The following CLMP variants were observed in gnomAD, a reference collection of about 807,000 sequenced individuals.
The protein encoded by CLMP is CXADR-like membrane protein.
In CLMP, 27 loss-of-function variants were observed where a neutral mutation model predicts 45.2. The observed-to-expected ratio is 0.60, with a 90% CI of 0.44 to 0.82. The LOEUF is 0.82. Among genes scored for constraint, CLMP ranks in the 40% least tolerant of loss-of-function variants. CLMP has a pLI of 0.00. For synonymous variants in CLMP, 167 were observed against 171.4 expected, an observed-to-expected ratio of 0.97 and a Z score of 0.20; for missense variants, 403 against 448.4, an observed-to-expected ratio of 0.90 and a Z score of 0.91.
intron 1 of CLMP, among the ~76,000 whole-genome samples, chr11:123,150,683 C>A (rs948641881): frequency 5.9e-5 from 9 of 152,112 alleles, no homozygotes; most frequent in Non-Finnish European, 1.0e-4. Context: ...AGAATACCAT[C>A]CCACTCTCCC....
chr11:123,119,796 C>T (rs1464173169), intron 1 of CLMP, among the ~76,000 whole-genome samples: 1 of 152,040 alleles, frequency 6.6e-6, no homozygotes, highest in Non-Finnish European at 1.5e-5. Flanking sequence ...AAGCGATTCT[C>T]CTGTCTCAGC....
chr11:123,180,657 G>C (rs995870407), intron 1 of CLMP, among the ~76,000 whole-genome samples: 1 of 151,842 alleles, frequency 6.6e-6, no homozygotes, highest in African/African-American at 2.4e-5. Context: ...ACAAGGCAAA[G>C]TGATAGTGAC....
intron 1 of CLMP, among the ~76,000 whole-genome samples, chr11:123,186,097 C>T (rs1294149605): frequency 6.6e-6 from 1 of 152,164 alleles, no homozygotes; most frequent in Non-Finnish European, 1.5e-5. Flanking sequence ...AAACTCTGCT[C>T]GCGTCTGCTG....
intron 1 of CLMP, among the ~76,000 whole-genome samples, chr11:123,140,179 C>G (rs10892971): frequency 0.35 from 52,989 of 151,940 alleles, 10,079 homozygotes; most frequent in African/African-American, 0.5. Flanking sequence ...ATGTGGGATG[C>G]GGTGTTGATG....
chr11:123,112,141 G>T (rs1032301221), intron 1 of CLMP, among the ~76,000 whole-genome samples: 1 of 152,076 alleles, frequency 6.6e-6, no homozygotes, highest in Non-Finnish European at 1.5e-5. Context: ...GCTTCAGGGA[G>T]ATTAAGGAAT....
intron 1 of CLMP, among the ~76,000 whole-genome samples, chr11:123,183,718 C>A (rs925111138): frequency 6.6e-6 from 1 of 152,088 alleles, no homozygotes; most frequent in Non-Finnish European, 1.5e-5. Flanking sequence ...TCAAATCTTC[C>A]CAGAGAAGAC....
At chr11:123,105,090 C>T (rs529592546) in intron 1 of CLMP, among the ~76,000 whole-genome samples, 1 of 152,310 alleles carries the variant, frequency 6.6e-6, no homozygotes, top group East Asian at 1.9e-4. Context: ...ACCTCAGGCA[C>T]TTATCAAAGG....
chr11:123,096,656 G>A (rs1296477770), intron 2 of CLMP, among the ~76,000 whole-genome samples: 1 of 152,182 alleles, frequency 6.6e-6, no homozygotes, highest in African/African-American at 2.4e-5. Flanking sequence ...ATGAGGTGAT[G>A]TAGACAGCTA....
Position 123,148,215 on chromosome 11 carries a change from C to T in CLMP, c.28+46698G>A, listed in dbSNP as rs530055893. ...GTAAGTGTAGCTGTTATGTTTAGGG[C>T]CGCAGGGCTTTTAAGTGGCTTTCAA... On this transcript the variant is annotated intron_variant, in intron 1 of 6. Coordinates refer to ENST00000448775, the MANE Select transcript of CLMP (RefSeq NM_024769.5). 2.6e-5 allele frequency among the ~76,000 whole-genome samples: 4 copies of T among 152,288 alleles called. No individual in the cohort carries two copies. The South Asian group carries it at 8.3e-4, about 32-fold the overall frequency.
At chr11:123,113,555 T>C (rs1397512367) in intron 1 of CLMP, among the ~76,000 whole-genome samples, 1 of 152,192 alleles carries the variant, frequency 6.6e-6, no homozygotes, top group Non-Finnish European at 1.5e-5. Context: ...ATGGCAGCCT[T>C]AGTGATTAGC....
chr11:123,142,954 A>G (rs1162673763), intron 1 of CLMP, among the ~76,000 whole-genome samples: 2 of 151,930 alleles, frequency 1.3e-5, no homozygotes, highest in African/African-American at 4.8e-5. Flanking sequence ...AGGCAGTCCT[A>G]CTCCTAGACA....
chr11:123,148,326 G>A (rs964386814), intron 1 of CLMP, among the ~76,000 whole-genome samples: 3 of 152,162 alleles, frequency 2.0e-5, no homozygotes, highest in African/African-American at 7.2e-5. Context: ...TCTGAATTCT[G>A]CACAAGGGCA....
chr11:123,187,147 C>A (rs1251411079), intron 1 of CLMP, among the ~76,000 whole-genome samples: 1 of 152,070 alleles, frequency 6.6e-6, no homozygotes, highest in Non-Finnish European at 1.5e-5. Context: ...TGATGAGAAA[C>A]CTAAGGTTGG....
intron 1 of CLMP, among the ~76,000 whole-genome samples, chr11:123,168,840 G>A (rs955890211): frequency 1.3e-5 from 2 of 152,056 alleles, no homozygotes; most frequent in South Asian, 4.1e-4. Context: ...AATGTTCTGG[G>A]TCTCATTCCC....
intron 1 of CLMP, among the ~76,000 whole-genome samples, chr11:123,192,317 T>C (rs10892980): frequency 0.073 from 11,063 of 152,194 alleles, 1,266 homozygotes; most frequent in African/African-American, 0.25. Context: ...AGAAAAACCA[T>C]AGAATTATAG....
At chr11:123,164,427 C>A (rs929235604) in intron 1 of CLMP, among the ~76,000 whole-genome samples, 2 of 152,188 alleles carry the variant, frequency 1.3e-5, no homozygotes, top group Non-Finnish European at 2.9e-5. Context: ...CCCTAGCCTC[C>A]CCAGTAGCTG....
intron 5 of CLMP, among the ~76,000 whole-genome samples, chr11:123,081,940 T>C (rs969375857): frequency 6.6e-6 from 1 of 152,108 alleles, no homozygotes; most frequent in Non-Finnish European, 1.5e-5. Context: ...TTGGGAAATA[T>C]GCCTAAGGTA....
rs371777105 is a variant in CLMP, at chr11:123,170,737, A to T, written c.28+24176T>A. Among the ~76,000 whole-genome samples the T allele has an allele frequency of 7.2e-5, 11 of 152,288 alleles. No homozygotes were observed. In the South Asian group the frequency reaches 1.0e-3, roughly 14 times the overall value. ...ATTACAGGCGTGAGCCACCACGCCC[A>T]GCCGAAGCCTGCTTTTTCTTGCTGC... On this transcript the variant is annotated intron_variant, in intron 1 of 6. Transcript: ENST00000448775.
intron 1 of CLMP, among the ~76,000 whole-genome samples, chr11:123,129,870 G>T (rs914908157): frequency 2.6e-4 from 40 of 151,214 alleles, no homozygotes; most frequent in African/African-American, 7.1e-4. Flanking sequence ...TTCAGAAACG[G>T]TGTTTCACAT....
Sources: allele counts gnomAD v4.1 joint callset (sites outside exome capture counted in the v4.1 genomes callset), GRCh38; gene constraint gnomAD v4.1.1; transcripts MANE v1.5; gene names NCBI Gene and HGNC (gene_info 2026-07-23, HGNC 2026-07-21).